KIAA2012: variants seen among roughly 807,000 people sequenced by gnomAD.
KIAA2012 encodes the protein uncharacterized protein KIAA2012.
Under a neutral mutation model 150.6 loss-of-function variants are expected in KIAA2012, and 125 were observed. The ratio of observed to expected loss-of-function variants is 0.83; its 90% CI spans 0.72 to 0.96. The LOEUF (loss-of-function observed/expected upper bound fraction) is 0.96. Among genes scored for constraint, KIAA2012 ranks in the 40% least tolerant of loss-of-function variants. KIAA2012 has a pLI of 0.00. For synonymous variants in KIAA2012, 462 were observed against 504.7 expected (o/e 0.92, Z 1.13); for missense variants, 1,219 against 1,354.9 (o/e 0.90, Z 1.57).
At chr2:202,201,779 A>G (rs1322787008) in intron 22 of KIAA2012, 2 of 1,303,508 alleles carry the variant, frequency 1.5e-6, no homozygotes, top group South Asian at 2.4e-5. Context: ...TCGGAGCATC[A>G]GTATAGGGTA....
chr2:202,164,632 G>A (rs908537415), intron 14 of KIAA2012, among the ~76,000 whole-genome samples: 2 of 152,174 alleles, frequency 1.3e-5, no homozygotes, highest in Non-Finnish European at 2.9e-5. Flanking sequence ...TTGTTCTCAA[G>A]ATAAAGACCA....
rs570135806 is a variant in KIAA2012, at chr2:202,191,385, A to T, written c.2811+892A>T. 9.2e-5 allele frequency among the ~76,000 whole-genome samples: 14 copies of T among 152,034 alleles called. 1 individual carries two copies. In the South Asian group the frequency reaches 2.7e-3, roughly 29 times the overall value. ...GTGTAAGGAAAAATTACCCTTGAAA[A>T]TTGCTGCAATTCGGCCGGATGCAGT... On this transcript the variant is annotated intron_variant, in intron 19 of 23. Coordinates refer to ENST00000498697, the MANE Select transcript of KIAA2012 (RefSeq NM_001277372.4).
chr2:202,112,583 G>A (rs1690396779), intron 10 of KIAA2012, among the ~76,000 whole-genome samples: 1 of 152,188 alleles, frequency 6.6e-6, no homozygotes, highest in Non-Finnish European at 1.5e-5. Context: ...GGGCAGTCTT[G>A]TGGACTGAGC....
At chr2:202,131,561 T>G (rs1690928617) in intron 12 of KIAA2012, among the ~76,000 whole-genome samples, 2 of 152,216 alleles carry the variant, frequency 1.3e-5, no homozygotes, top group African/African-American at 4.8e-5. Flanking sequence ...AGAGACCACG[T>G]CCATGCCTTA....
chr2:202,194,387 C>A, intron 21 of KIAA2012, 25 bp downstream of exon 21: 1 of 1,548,236 alleles, frequency 6.5e-7, no homozygotes, highest in Non-Finnish European at 8.7e-7. Flanking sequence ...GAGCTCTTTG[C>A]ATCTCTCTTC....
rs368999213 is a variant in KIAA2012 at position 202,075,995 on chromosome 2, C to A, written c.369+820C>A. ...CTTCCATCATGGACGCCATAAGGCC[C>A]CACCCATGTGATTAGCTCATCATTC... On this transcript the variant is annotated intron_variant, in intron 2 of 23. Transcript: ENST00000498697. Among the ~76,000 whole-genome samples the A allele has an allele frequency of 9.2e-5, 14 of 152,370 alleles. 1 individual carries two copies. In the South Asian group the frequency reaches 2.9e-3, roughly 32 times the overall value.
At chr2:202,143,659 G>A (rs769206144) in intron 13 of KIAA2012, among the ~76,000 whole-genome samples, 6 of 151,674 alleles carry the variant, frequency 4.0e-5, no homozygotes, top group Non-Finnish European at 8.8e-5. Flanking sequence ...AATAATCTCG[G>A]ACTCAGTGTA....
intron 10 of KIAA2012, among the ~76,000 whole-genome samples, chr2:202,112,702 A>ACC (rs1690403480): frequency 6.6e-6 from 1 of 151,956 alleles, no homozygotes; most frequent in Non-Finnish European, 1.5e-5. Flanking sequence ...CATGGGGGAA[A>ACC]CCCCGCAATC....
intron 15 of KIAA2012, among the ~76,000 whole-genome samples, chr2:202,173,843 C>A (rs998322410): frequency 1.3e-5 from 2 of 152,094 alleles, no homozygotes; most frequent in African/African-American, 4.8e-5. Flanking sequence ...TCACCCATTC[C>A]CAATTAAAAC....
chr2:202,075,233 A>G (rs2105906186), intron 2 of KIAA2012, 58 bp downstream of exon 2: 1 of 1,467,864 alleles, frequency 6.8e-7, no homozygotes, highest in East Asian at 2.5e-5. Flanking sequence ...CTAGAAACCC[A>G]GTTGCAGCTT....
At position 202,202,595 on chromosome 2, in the gene KIAA2012, G is replaced by T; in HGVS notation, c.*20+8G>T. 2.5e-6 allele frequency: 1 copy of T among 398,842 alleles called. No individual in the cohort carries two copies. Among genetic ancestry groups the T allele is most frequent in the South Asian group, 1.3e-4 (1 of 7,844 alleles). The allele number at this position is 398,842 out of a possible 1,614,324, so 24.7% of individuals were successfully genotyped here. Reference sequence around the variant, plus strand: ...CTAGAAGAAAACTAAAAAGTAAGTTGGGAGATGGTGAAAGAAAAGGAGAAA... The same window carrying T: ...CTAGAAGAAAACTAAAAAGTAAGTTTGGAGATGGTGAAAGAAAAGGAGAAA... On this transcript the variant is annotated splice_region_variant and intron_variant, in intron 23 of 23. Transcript: ENST00000498697.
At chr2:202,194,143 G>A (rs1692366187) in intron 20 of KIAA2012, 47 bp from the exon 21 acceptor site, 1 of 1,545,234 alleles carries the variant, frequency 6.5e-7, no homozygotes, top group African/African-American at 1.4e-5. Flanking sequence ...TCACAAGGAT[G>A]CCTCAGTGTT....
intron 23 of KIAA2012, among the ~76,000 whole-genome samples, chr2:202,204,683 T>C (rs1692605103): frequency 1.3e-5 from 2 of 152,234 alleles, no homozygotes; most frequent in Admixed American, 6.5e-5. Flanking sequence ...TTGTAGTCTG[T>C]ATTGCTGTTA....
rs563732092 is a variant in KIAA2012 at position 202,089,106 on chromosome 2, C to T, written c.370-1664C>T. Among the ~76,000 whole-genome samples the T allele has an allele frequency of 2.0e-5, 3 of 152,312 alleles. No homozygotes were observed. The South Asian group carries it at 6.2e-4, about 32-fold the overall frequency. On this transcript the variant is annotated intron_variant, in intron 2 of 23. Transcript: ENST00000498697. Reference sequence around the variant, plus strand: ...GTTCAGCCTCTGCAGGCCCATAAGACTGAAGTGAAAGACTGTTCTGAAGGG... The same window carrying T: ...GTTCAGCCTCTGCAGGCCCATAAGATTGAAGTGAAAGACTGTTCTGAAGGG...
intron 2 of KIAA2012, among the ~76,000 whole-genome samples, chr2:202,085,881 C>T (rs1575002171): frequency 6.6e-6 from 1 of 152,020 alleles, no homozygotes; most frequent in African/African-American, 2.4e-5. Context: ...CAGAAATGCC[C>T]ACTAATGGCC....
At chr2:202,077,126 C>A (rs762285789) in intron 2 of KIAA2012, 1 of 450,016 alleles carries the variant, frequency 2.2e-6, no homozygotes, top group Middle Eastern at 3.8e-4. Flanking sequence ...CTCCCTCTGT[C>A]CTTCTAGCGT....
In KIAA2012 at chr2:202,075,185, A is replaced by G. The variant is rs1250507946; in HGVS notation, c.369+10A>G. On this transcript the variant is annotated intron_variant, in intron 2 of 23. Coordinates refer to ENST00000498697, the MANE Select transcript of KIAA2012 (RefSeq NM_001277372.4). ...ATATGGAAGGCAGCAGGTAGGCAGA[A>G]CGCTCCCTTGGGTTTGGGGAAGGTG... 5.9e-6 allele frequency: 9 copies of G among 1,535,256 alleles called. No homozygotes were observed. The Admixed American group carries it at 1.9e-4, about 32-fold the overall frequency.
chr2:202,123,689 AAAAT>A (rs1457134971), intron 11 of KIAA2012, among the ~76,000 whole-genome samples: 3 of 152,310 alleles, frequency 2.0e-5, no homozygotes, highest in Non-Finnish European at 2.9e-5. Flanking sequence ...GATGAAGCAA[AAAAT>A]AAATAAATAA....
At chr2:202,204,230 C>T (rs1692594025) in intron 23 of KIAA2012, among the ~76,000 whole-genome samples, 1 of 152,000 alleles carries the variant, frequency 6.6e-6, no homozygotes, top group South Asian at 2.1e-4. Flanking sequence ...GCACGTACCA[C>T]CACACTTGGC....
Sources: allele counts gnomAD v4.1 joint callset (sites outside exome capture counted in the v4.1 genomes callset), GRCh38; gene constraint gnomAD v4.1.1; transcripts MANE v1.5; gene names NCBI Gene and HGNC (gene_info 2026-07-23, HGNC 2026-07-21).